Variants in NCKAP1L observed in about 807,000 individuals in gnomAD.
NCKAP1L encodes NCK associated protein 1 like, also known as nck-associated protein 1-like.
In NCKAP1L, 53 loss-of-function variants were observed where a neutral mutation model predicts 139.2. That is an observed-to-expected ratio of 0.38 (90% CI 0.31 to 0.48). The LOEUF is 0.48. NCKAP1L is among the 20% of genes least tolerant of loss of function. The probability of loss-of-function intolerance (pLI) is 0.98; values close to 1 mark genes in which losing one functional copy is unlikely to be tolerated. For synonymous variants in NCKAP1L, 468 were observed against 499.7 expected (o/e 0.94, Z 0.85); for missense variants, 1,151 against 1,381.9 (o/e 0.83, Z 2.65).
chr12:54,548,180 C>T lies in NCKAP1L; in HGVS notation c.*5495C>T, dbSNP rs1353485257. The T allele has an allele frequency of 6.6e-6, 1 of 152,222 alleles. No individual in the cohort carries two copies. The highest frequency in any genetic ancestry group is 6.5e-5 in the Admixed American group (1 of 15,278). The allele number at this position is 152,222 out of a possible 1,614,324, so 9.4% of individuals were successfully genotyped here. A position where few individuals can be genotyped will look rare whatever the true frequency, so the allele number is the denominator to read the frequency against. Reference sequence around the variant, plus strand: ...TTTAGAACAGAGTAAATACCTTCTCCTGATCACTCCTCCTTCCAACCTCCA... The same window carrying T: ...TTTAGAACAGAGTAAATACCTTCTCTTGATCACTCCTCCTTCCAACCTCCA... On this transcript the variant is annotated 3_prime_UTR_variant, in exon 31 of 31. Coordinates refer to ENST00000293373, the MANE Select transcript of NCKAP1L (RefSeq NM_005337.5).
chr12:54,505,060 A>C (rs1366278568), intron 3 of NCKAP1L, among the ~76,000 whole-genome samples: 2 of 152,218 alleles, frequency 1.3e-5, no homozygotes, highest in African/African-American at 4.8e-5. Flanking sequence ...GGAAAATCAA[A>C]AGCTCTGGAT....
chr12:54,534,312 A>G (rs1427206972), intron 26 of NCKAP1L, among the ~76,000 whole-genome samples: 2 of 152,234 alleles, frequency 1.3e-5, no homozygotes, highest in African/African-American at 4.8e-5. Flanking sequence ...TCAAGGTCAC[A>G]CACTTAATAA....
chr12:54,539,631 T>C (rs1957142025), intron 30 of NCKAP1L, among the ~76,000 whole-genome samples: 1 of 152,244 alleles, frequency 6.6e-6, no homozygotes, highest in South Asian at 2.1e-4. Context: ...TCTTTTGCTC[T>C]GATTCTCCAT....
intron 9 of NCKAP1L, among the ~76,000 whole-genome samples, chr12:54,515,812 A>C (rs1488029972): frequency 6.6e-6 from 1 of 152,218 alleles, no homozygotes; most frequent in East Asian, 1.9e-4. Context: ...ATGGGACCCA[A>C]GGTAGAGATT....
chr12:54,512,103 AG>A lies in NCKAP1L; in HGVS notation c.941+1del. 2 of 1,613,900 alleles carry A rather than the reference AG, an allele frequency of 1.2e-6. No individual in the cohort carries two copies. Among genetic ancestry groups the A allele is most frequent in the Non-Finnish European group, 1.7e-6 (2 of 1,179,908 alleles). On this transcript the variant is annotated frameshift_variant and splice_region_variant, in exon 9 of 31. Transcript: ENST00000293373. LOFTEE classifies it high-confidence loss of function. ...VTEDLFSSLK[G>X]YGKRVADIKE... Reference sequence around the variant, plus strand: ...CCGAGGACCTGTTTAGCAGTTTGAAAGGGTGAGAGACACGAGAGCCAAACTG... The same window carrying A: ...CCGAGGACCTGTTTAGCAGTTTGAAAGGTGAGAGACACGAGAGCCAAACTG...
chr12:54,501,951 C>G (rs527908251), intron 3 of NCKAP1L, among the ~76,000 whole-genome samples: 3 of 152,252 alleles, frequency 2.0e-5, no homozygotes, highest in Non-Finnish European at 4.4e-5. Context: ...GAGGTATTAT[C>G]TCATCTAAGT....
At position 54,526,614 on chromosome 12, in the gene NCKAP1L, T is replaced by A. The variant is rs754125717; in HGVS notation, c.2243T>A (p.Ile748Asn). The change falls in exon 21 of 31, where the codon ATT becomes AAT. Residue 748 changes from isoleucine to asparagine, a missense_variant. Ile to Asn is a moderately radical substitution (Grantham distance 149). Transcript: ENST00000293373. Reference sequence around the variant, plus strand: ...CTGTTGGCAGGAGTCAAAGCATACATTGGTTTCATACAGTCACTGGCCCAG... The same window carrying A: ...CTGTTGGCAGGAGTCAAAGCATACAATGGTTTCATACAGTCACTGGCCCAG... Reference protein sequence around the residue: ...SELLAGVKAYIGFIQSLAQFL... With the variant: ...SELLAGVKAYNGFIQSLAQFL... 26 of 1,614,094 alleles carry A rather than the reference T, an allele frequency of 1.6e-5. No individual in the cohort carries two copies. The East Asian group carries it at 5.3e-4, about 33-fold the overall frequency.
chr12:54,540,455 G>A (rs1565684839), intron 30 of NCKAP1L, among the ~76,000 whole-genome samples: 2 of 152,190 alleles, frequency 1.3e-5, no homozygotes, highest in African/African-American at 4.8e-5. Flanking sequence ...AGTGCCCATG[G>A]TGGTGGGCTA....
Position 54,536,969 on chromosome 12 carries a change from G to A in NCKAP1L, c.3099G>A (p.Leu1033=). ...GTTACAACAACAATATTCATTGCTT[G>A]ACCAAAGCCATCATCCAGGTGTCTG... ...KDGYNNNIHC[L]TKAIIQVSAA... is the part of the protein sequence containing the mutation. Residue 1033 remains leucine (L), a synonymous_variant, in exon 29 of 31, where the codon TTG becomes TTA. Transcript: ENST00000293373. 1 of 1,612,576 alleles carries A rather than the reference G, an allele frequency of 6.2e-7. No homozygotes were observed. The highest frequency in any genetic ancestry group is 1.1e-5 in the South Asian group (1 of 91,012).
At position 54,531,353 on chromosome 12, in the gene NCKAP1L, T is replaced by C; in HGVS notation, c.2600T>C (p.Leu867Pro). The change falls in exon 23 of 31, where the codon CTG becomes CCG. Residue 867 changes from leucine to proline, a missense_variant. Coordinates refer to ENST00000293373, the MANE Select transcript of NCKAP1L (RefSeq NM_005337.5). ...CATGTGACCTCTCAGATTGTGGAGCTGAAGGTACTATGGAAACAATCCCTT... is the reference window on the plus strand; with the variant it reads ...CATGTGACCTCTCAGATTGTGGAGCCGAAGGTACTATGGAAACAATCCCTT... ...MWHVTSQIVE[L>P]KKLVVENMDI... 6.2e-7 allele frequency: 1 copy of C among 1,613,934 alleles called. No individual in the cohort carries two copies. The highest frequency in any genetic ancestry group is 8.5e-7 in the Non-Finnish European group (1 of 1,179,896).
chr12:54,520,775 CCT>C lies in NCKAP1L; in HGVS notation c.1708_1709del (p.Leu570AspfsTer11). ...AMLRYAIAFP[L>X]ICAHFVHCTH... is the part of the protein sequence containing the mutation. ...TGTTGCGTTATGCCATTGCTTTCCC[CCT>C]GATTTGTGCTCACTTTGTCCACTGC... On this transcript the variant is annotated frameshift_variant, in exon 17 of 31. Transcript: ENST00000293373. LOFTEE classifies it high-confidence loss of function. 1.9e-6 allele frequency: 3 copies of C among 1,614,094 alleles called. No homozygotes were observed. Among genetic ancestry groups the C allele is most frequent in the Non-Finnish European group, 2.5e-6 (3 of 1,180,022 alleles).
Position 54,523,890 on chromosome 12 carries a change from C to G in NCKAP1L, c.2090C>G (p.Ser697Cys). The part of the protein sequence containing the change: ...ALTMNHVYSF[S>C]VFEHTIFPSE... ...ACAATGAATCATGTATACAGTTTCTCCGTGTTTGAACATACTATCTTCCCT... is the reference window on the plus strand; with the variant it reads ...ACAATGAATCATGTATACAGTTTCTGCGTGTTTGAACATACTATCTTCCCT... Residue 697 changes from serine (S) to cysteine (C), a missense_variant, in exon 20 of 31, where the codon TCC (serine) becomes TGC (cysteine). By Grantham distance (112) the Ser-to-Cys change is moderately radical. Coordinates refer to ENST00000293373, the MANE Select transcript of NCKAP1L (RefSeq NM_005337.5). The G allele has an allele frequency of 6.2e-7, 1 of 1,614,128 alleles. No homozygotes were observed. Among genetic ancestry groups the G allele is most frequent in the Non-Finnish European group, 8.5e-7 (1 of 1,179,982 alleles).
intron 3 of NCKAP1L, among the ~76,000 whole-genome samples, chr12:54,501,515 T>TC (rs1956797930): frequency 6.6e-6 from 1 of 151,702 alleles, no homozygotes; most frequent in South Asian, 2.1e-4. Flanking sequence ...ATTAACTTTT[T>TC]TTTTTTTGAG....
At chr12:54,517,685 T>G in intron 12 of NCKAP1L, 43 bp downstream of exon 12, 1 of 1,583,666 alleles carries the variant, frequency 6.3e-7, no homozygotes, top group Non-Finnish European at 8.7e-7. Context: ...TTAGATGGAC[T>G]GGGGACAGGG....
intron 9 of NCKAP1L, among the ~76,000 whole-genome samples, chr12:54,512,733 C>G (rs1427629236): frequency 1.3e-5 from 2 of 151,516 alleles, no homozygotes; most frequent in African/African-American, 4.9e-5. Flanking sequence ...ACAGGTAGAT[C>G]TGAAAGGCTA....
In NCKAP1L at chr12:54,547,533, T is replaced by TGA. The variant is rs1354501219; in HGVS notation, c.*4849_*4850dup. The TGA allele has an allele frequency of 6.6e-6, 1 of 151,710 alleles. No individual in the cohort carries two copies. Among genetic ancestry groups the TGA allele is most frequent in the African/African-American group, 2.4e-5 (1 of 41,008 alleles). The allele number at this position is 151,710 out of a possible 1,614,324, so 9.4% of individuals were successfully genotyped here. On this transcript the variant is annotated 3_prime_UTR_variant, in exon 31 of 31. Coordinates refer to ENST00000293373, the MANE Select transcript of NCKAP1L (RefSeq NM_005337.5). ...GTGTGTGTGTGTGTGTGTGTGTGTG[T>TGA]GAATTAGCCTTAAAATGAATCAGGA...
chr12:54,498,214 C>T (rs1956766210), intron 1 of NCKAP1L, among the ~76,000 whole-genome samples: 1 of 152,094 alleles, frequency 6.6e-6, no homozygotes, highest in Non-Finnish European at 1.5e-5. Flanking sequence ...TGGGGTCCAA[C>T]CTTCTGGGTT....
chr12:54,516,503 TG>T (rs1460991339), intron 10 of NCKAP1L, among the ~76,000 whole-genome samples: 17 of 151,458 alleles, frequency 1.1e-4, no homozygotes, highest in Non-Finnish European at 1.5e-5. Context: ...CTGGGTGCAA[TG>T]GCATGATCTC....
intron 16 of NCKAP1L, 116 bp downstream of exon 16, chr12:54,519,448 TTTA>T: frequency 3.3e-6 from 3 of 922,064 alleles, no homozygotes; most frequent in Non-Finnish European, 4.4e-6. Flanking sequence ...TTTTTTTTTT[TTTA>T]AAGAGACAGA....
Sources: allele counts gnomAD v4.1 joint callset (sites outside exome capture counted in the v4.1 genomes callset), GRCh38; gene constraint gnomAD v4.1.1; transcripts MANE v1.5; gene names NCBI Gene and HGNC (gene_info 2026-07-23, HGNC 2026-07-21).